The following SEC31A variants were observed in gnomAD, a reference collection of about 807,000 sequenced individuals.
SEC31A encodes the protein protein transport protein Sec31A.
A neutral mutation model predicts 151.0 loss-of-function variants in SEC31A; 70 were observed. The observed-to-expected ratio is 0.46, with a 90% CI of 0.38 to 0.57. The LOEUF (loss-of-function observed/expected upper bound fraction) is 0.57. Ranked by LOEUF, SEC31A falls within the 20% of genes least tolerant of loss-of-function variation. The pLI is 0.00. For missense variants in SEC31A, 1,330 were observed against 1,471.2 expected, an observed-to-expected ratio of 0.90 and a Z score of 1.57; for synonymous variants, 475 against 505.9, an observed-to-expected ratio of 0.94 and a Z score of 0.82.
chr4:82,888,390 A>ATATATATATGCG (rs1167698987), intron 1 of SEC31A, among the ~76,000 whole-genome samples: 15 of 72,006 alleles, frequency 2.1e-4, no homozygotes, highest in South Asian at 3.9e-4. Flanking sequence ...AAAAACATAT[A>ATATATATATGCG]TATATATACA....
At chr4:82,834,634 C>A (rs1372173116) in intron 22 of SEC31A, among the ~76,000 whole-genome samples, 3 of 152,052 alleles carry the variant, frequency 2.0e-5, no homozygotes, top group Admixed American at 6.6e-5. Flanking sequence ...TAATTAAGTA[C>A]CCCTCTCCCA....
chr4:82,857,951 T>C, intron 14 of SEC31A, 187 bp from the exon 15 acceptor site: 1 of 449,304 alleles, frequency 2.2e-6, no homozygotes, highest in Non-Finnish European at 4.0e-6. Context: ...TCCCATTATA[T>C]AATCATAAAT....
intron 18 of SEC31A, among the ~76,000 whole-genome samples, chr4:82,851,944 G>C (rs1731540249): frequency 6.6e-6 from 1 of 152,190 alleles, no homozygotes; most frequent in Non-Finnish European, 1.5e-5. Flanking sequence ...TAGCCTGTAT[G>C]GGAGGAACTA....
intron 19 of SEC31A, among the ~76,000 whole-genome samples, chr4:82,850,775 A>G (rs749269639): frequency 5.3e-5 from 8 of 152,136 alleles, no homozygotes; most frequent in Admixed American, 3.3e-4. Context: ...CTGGAATCTC[A>G]TGTTTACTTG....
rs547577277 is a variant in SEC31A, at chr4:82,851,682, T to C, written c.2155-78A>G. 2.1e-3 allele frequency: 2,688 copies of C among 1,260,768 alleles called. 5 individuals are homozygous for C. The highest frequency in any genetic ancestry group is 2.4e-3 in the Non-Finnish European group (2,186 of 906,514). 78.1% of individuals were successfully genotyped at this position (1,260,768 alleles called of 1,614,324 possible). A position where few individuals can be genotyped will look rare whatever the true frequency, so the allele number is the denominator to read the frequency against. ...GAAGCAGGAAAAGATCAAGAGTTAC[T>C]AAGATTTCTAAAACCCACTAAAAAT... On this transcript the variant is annotated intron_variant, in intron 18 of 26. Transcript: ENST00000395310.
chr4:82,829,235 C>CT, intron 22 of SEC31A, 177 bp from the exon 23 acceptor site: 1 of 558,780 alleles, frequency 1.8e-6, no homozygotes, highest in Admixed American at 3.0e-5. Context: ...ACTCACATCT[C>CT]TTAATAGGAA....
At chr4:82,879,373 A>AAG (rs2125809340) in intron 3 of SEC31A, among the ~76,000 whole-genome samples, 1 of 150,728 alleles carries the variant, frequency 6.6e-6, no homozygotes, top group African/African-American at 2.4e-5. Flanking sequence ...CTTTGTCTGA[A>AAG]AAAAAAAAAA....
At chr4:82,835,294 G>T (rs1726939837) in intron 22 of SEC31A, among the ~76,000 whole-genome samples, 1 of 152,094 alleles carries the variant, frequency 6.6e-6, no homozygotes, top group Admixed American at 6.6e-5. Context: ...TGTGAAAAAT[G>T]ATACTCTTGG....
chr4:82,824,446 C>T, intron 25 of SEC31A, 109 bp downstream of exon 25: 1 of 1,139,352 alleles, frequency 8.8e-7, no homozygotes, highest in Non-Finnish European at 1.2e-6. Context: ...TTCAAATGAT[C>T]CACCTACCTC....
chr4:82,847,738 G>T (rs760482629), intron 20 of SEC31A, among the ~76,000 whole-genome samples: 1 of 152,230 alleles, frequency 6.6e-6, no homozygotes, highest in South Asian at 2.1e-4. Context: ...CTCCATGAAG[G>T]GGGGAATTTA....
chr4:82,842,624 A>G (rs1429908618), intron 21 of SEC31A, 143 bp from the exon 22 acceptor site: 9 of 678,666 alleles, frequency 1.3e-5, no homozygotes, highest in South Asian at 2.2e-5. Flanking sequence ...TTACACCATT[A>G]TATTTTTGAG....
At position 82,854,933 on chromosome 4, in the gene SEC31A, C is replaced by T. The variant is rs1732309896; in HGVS notation, c.1978G>A (p.Ala660Thr). The T allele has an allele frequency of 6.2e-7, 1 of 1,613,326 alleles. No individual in the cohort carries two copies. ...AGGGCTGAAAATTCATCCGGCTTTG[C>T]ATAAGTCAATACTGCAGCTAAAGCC... The part of the protein sequence containing the change: ...REALAAVLTY[A>T]KPDEFSALCD... The change falls in exon 17 of 27, where the codon GCA (alanine) becomes ACA (threonine). Residue 660 changes from alanine (A) to threonine (T), a missense_variant. Coordinates refer to ENST00000395310, the MANE Select transcript of SEC31A (RefSeq NM_001077207.4).
At chr4:82,842,533 A>G (rs761624337) in intron 21 of SEC31A, 52 bp from the exon 22 acceptor site, 1 of 1,382,382 alleles carries the variant, frequency 7.2e-7, no homozygotes, top group South Asian at 1.4e-5. Context: ...GTTTATTCAG[A>G]TAGTAGCAGA....
At chr4:82,828,673 C>CAA (rs397994259) in intron 23 of SEC31A, among the ~76,000 whole-genome samples, 16,955 of 44,474 alleles carry the variant, frequency 0.38, 2,941 homozygotes, top group Admixed American at 0.5. Context: ...CAAAGTAACT[C>CAA]AAAAAAAAAA....
chr4:82,887,740 C>T lies in SEC31A; in HGVS notation c.-5+3348G>A, dbSNP rs558690090. ...TTATTACAAACATCACTACTTAAAA[C>T]GTCTACCACCACGAAACTTCAAAAA... On this transcript the variant is annotated intron_variant, in intron 1 of 26. Transcript: ENST00000395310. Among the ~76,000 whole-genome samples, 329 of 152,334 alleles carry T rather than the reference C, an allele frequency of 2.2e-3. 2 individuals carry two copies. Among genetic ancestry groups the T allele is most frequent in the African/African-American group, 7.6e-3 (314 of 41,572 alleles).
At chr4:82,863,176 G>C in intron 12 of SEC31A, 142 bp downstream of exon 12, 1 of 579,938 alleles carries the variant, frequency 1.7e-6, no homozygotes, top group Non-Finnish European at 2.9e-6. Context: ...ATAAGAAAAA[G>C]AAAAAGGGAA....
intron 22 of SEC31A, among the ~76,000 whole-genome samples, chr4:82,830,694 T>C (rs1454982791): frequency 6.6e-6 from 1 of 152,238 alleles, no homozygotes; most frequent in Non-Finnish European, 1.5e-5. Flanking sequence ...AGTCTTGGCA[T>C]AGTTGTTTTC....
At chr4:82,873,408 C>A (rs750547574) in intron 6 of SEC31A, among the ~76,000 whole-genome samples, 2 of 150,890 alleles carry the variant, frequency 1.3e-5, no homozygotes, top group South Asian at 2.1e-4. Context: ...CACAAAAAAA[C>A]CCCATACTTT....
chr4:82,825,411 G>C (rs116462247), intron 24 of SEC31A, among the ~76,000 whole-genome samples: 1 of 152,188 alleles, frequency 6.6e-6, no homozygotes, highest in Non-Finnish European at 1.5e-5. Flanking sequence ...ACGTTAACAC[G>C]TAGTGGAAAC....
Sources: allele counts gnomAD v4.1 joint callset (sites outside exome capture counted in the v4.1 genomes callset), GRCh38; gene constraint gnomAD v4.1.1; transcripts MANE v1.5; gene names NCBI Gene and HGNC (gene_info 2026-07-23, HGNC 2026-07-21).